GPC3: variants seen among roughly 807,000 people sequenced by gnomAD.
GPC3 encodes the protein glypican-3.
In GPC3, 3 loss-of-function variants were observed where a neutral mutation model predicts 34.4. The ratio of observed to expected loss-of-function variants is 0.09; its 90% CI spans 0.04 to 0.23. The LOEUF (loss-of-function observed/expected upper bound fraction) is 0.23, where lower values mean the gene tolerates loss of function less well. Among genes scored for constraint, GPC3 ranks in the 10% least tolerant of loss-of-function variants. The probability of loss-of-function intolerance (pLI) is 1.00; values close to 1 mark genes in which losing one functional copy is unlikely to be tolerated. For synonymous variants in GPC3, 177 were observed against 174.0 expected (o/e 1.02, Z -0.13); for missense variants, 351 against 445.6 (o/e 0.79, Z 1.91).
intron 7 of GPC3, among the ~76,000 whole-genome samples, chrX:133,584,982 A>T (rs1173623534): frequency 9.0e-6 from 1 of 110,975 alleles, no homozygotes; most frequent in Non-Finnish European, 1.9e-5. Context: ...GGCACTTTTT[A>T]AAAAACTCAG....
intron 6 of GPC3, among the ~76,000 whole-genome samples, chrX:133,624,560 A>G (rs1237508972): frequency 8.9e-6 from 1 of 112,116 alleles, no homozygotes; most frequent in African/African-American, 3.2e-5. Context: ...GAAAATCTAG[A>G]AGAAATGGAA....
chrX:133,813,267 T>C (rs779896915), intron 2 of GPC3, among the ~76,000 whole-genome samples: 30 of 112,678 alleles, frequency 2.7e-4, no homozygotes, highest in Non-Finnish European at 5.1e-4. Flanking sequence ...TGCTTAGCCA[T>C]GCTTCTGTTA....
chrX:133,822,956 C>T (rs1254968426), intron 2 of GPC3, among the ~76,000 whole-genome samples: 1 of 107,341 alleles, frequency 9.3e-6, no homozygotes, highest in Non-Finnish European at 1.9e-5. Flanking sequence ...TGGCGAAACC[C>T]GGTCTCTACT....
chrX:133,568,473 A>G (rs1016527950), intron 7 of GPC3, among the ~76,000 whole-genome samples: 5 of 112,217 alleles, frequency 4.5e-5, no homozygotes, highest in Admixed American at 3.8e-4. Flanking sequence ...TGAGACAGGT[A>G]TCATTGTCTC....
chrX:133,780,507 GA>G (rs1225302760), intron 2 of GPC3, among the ~76,000 whole-genome samples: 1 of 111,595 alleles, frequency 9.0e-6, no homozygotes, highest in Non-Finnish European at 1.9e-5. Context: ...ACCCTGACTC[GA>G]AGGTAATGAC....
chrX:133,814,569 T>A (rs993277084), intron 2 of GPC3, among the ~76,000 whole-genome samples: 3 of 109,148 alleles, frequency 2.7e-5, no homozygotes, highest in Non-Finnish European at 5.7e-5. Flanking sequence ...TTTATTGTTA[T>A]TATTATTATT....
chrX:133,590,903 C>A (rs2069840778), intron 7 of GPC3, among the ~76,000 whole-genome samples: 1 of 112,279 alleles, frequency 8.9e-6, no homozygotes, highest in Admixed American at 9.4e-5. Context: ...TAATCACAGA[C>A]TGCTGGCACT....
intron 2 of GPC3, among the ~76,000 whole-genome samples, chrX:133,889,964 T>A (rs181237059): frequency 1.6e-3 from 171 of 107,958 alleles, no homozygotes; most frequent in African/African-American, 5.5e-3. Context: ...AGAGACGGGG[T>A]TTCACCGTGT....
rs770414070 is a variant in GPC3, at chrX:133,753,761, G to T, written c.753C>A (p.Asp251Glu). ...NTTDHLKFSK[D>E]CGRMLTRMWY... ...ACATTCTGGTGAGCATTCGGCCACA[G>T]TCCTTACTGAACTTCAGGTGATCAG... The change falls in exon 3 of 8, where the codon GAC becomes GAA. Residue 251 changes from aspartate to glutamate, a missense_variant. Physicochemically the swap from Asp to Glu is conservative, Grantham distance 45. Coordinates refer to ENST00000370818, the MANE Select transcript of GPC3 (RefSeq NM_004484.4). 8.3e-7 allele frequency: 1 copy of T among 1,211,768 alleles called. No individual in the cohort carries two copies. Among genetic ancestry groups the T allele is most frequent in the Admixed American group, 2.2e-5 (1 of 46,056 alleles).
At chrX:133,732,266 C>A (rs753854956) in intron 3 of GPC3, among the ~76,000 whole-genome samples, 1 of 111,158 alleles carries the variant, frequency 9.0e-6, no homozygotes, top group Non-Finnish European at 1.9e-5. Flanking sequence ...GTCTGACTGG[C>A]GGGCTCATGA....
chrX:133,583,428 G>A (rs1308315819), intron 7 of GPC3, among the ~76,000 whole-genome samples: 2 of 111,331 alleles, frequency 1.8e-5, no homozygotes, highest in Non-Finnish European at 3.8e-5. Flanking sequence ...GAAGTGGTGC[G>A]ATCTCAGCTC....
At chrX:133,769,545 T>C (rs2071890953) in intron 2 of GPC3, among the ~76,000 whole-genome samples, 1 of 112,007 alleles carries the variant, frequency 8.9e-6, no homozygotes, top group East Asian at 2.8e-4. Flanking sequence ...GCTTTTTGTA[T>C]GTCAACTACA....
chrX:133,916,679 G>T (rs2076226550), intron 2 of GPC3, among the ~76,000 whole-genome samples: 1 of 111,038 alleles, frequency 9.0e-6, no homozygotes, highest in Admixed American at 9.6e-5. Flanking sequence ...AGAAGTTCAA[G>T]ACCAGCCTGG....
At position 133,769,842 on chromosome X, in the gene GPC3, A is replaced by G. The variant is rs12689690; in HGVS notation, c.338-15666T>C. Among the ~76,000 whole-genome samples, 981 of 112,353 alleles carry G rather than the reference A, an allele frequency of 8.7e-3. 6 individuals are homozygous for G. The highest frequency in any genetic ancestry group is 0.017 in the East Asian group (61 of 3,567). ...TGTTTTTAAAAGGGACATTATATAT[A>G]AAGGACATACAAATAACAGTTCTGT... On this transcript the variant is annotated intron_variant, in intron 2 of 7. Transcript: ENST00000370818.
chrX:133,563,378 G>T (rs1443440631), intron 7 of GPC3, among the ~76,000 whole-genome samples: 1 of 111,316 alleles, frequency 9.0e-6, no homozygotes, highest in African/African-American at 3.3e-5. Flanking sequence ...CTGTTTTGTT[G>T]AATTCAACTT....
intron 6 of GPC3, among the ~76,000 whole-genome samples, chrX:133,621,616 C>T (rs957780427): frequency 5.4e-5 from 6 of 112,105 alleles, no homozygotes; most frequent in East Asian, 2.8e-4. Flanking sequence ...GGGCGTCTGC[C>T]ATTGCTGAGG....
At chrX:133,881,563 G>A (rs762542788) in intron 2 of GPC3, among the ~76,000 whole-genome samples, 1 of 112,466 alleles carries the variant, frequency 8.9e-6, no homozygotes. Flanking sequence ...TTAGCAGTTT[G>A]TCTTCATGTT....
At chrX:133,807,028 G>T (rs998410425) in intron 2 of GPC3, among the ~76,000 whole-genome samples, 1 of 111,665 alleles carries the variant, frequency 9.0e-6, no homozygotes, top group African/African-American at 3.3e-5. Flanking sequence ...GCATCCTACT[G>T]CATGTTCTCA....
intron 7 of GPC3, among the ~76,000 whole-genome samples, chrX:133,588,522 T>C (rs1007931005): frequency 4.5e-5 from 5 of 111,177 alleles, no homozygotes; most frequent in African/African-American, 1.6e-4. Flanking sequence ...AGGCCTATCA[T>C]AAATTTCCAA....
Sources: gnomAD v4.1 joint callset for allele counts (sites outside exome capture counted in the v4.1 genomes callset) on GRCh38, gnomAD v4.1.1 for gene constraint, MANE v1.5 for transcripts, NCBI Gene and HGNC (gene_info 2026-07-23, HGNC 2026-07-21) for gene names.